The following TFB1M variants were observed in gnomAD, a reference collection of about 807,000 sequenced individuals.
TFB1M encodes the protein dimethyladenosine transferase 1, mitochondrial.
TFB1M carries 27 observed loss-of-function variants against 31.1 expected under a neutral mutation model. That is an observed-to-expected ratio of 0.87 (90% CI 0.64 to 1.20). The LOEUF is 1.20. Among genes scored for constraint, TFB1M ranks in the 50% most tolerant of loss-of-function variants. The pLI, the probability that TFB1M is intolerant of heterozygous loss-of-function variation, is 0.00. For synonymous variants in TFB1M, 166 were observed against 151.8 expected (o/e 1.09, Z -0.69); for missense variants, 394 against 418.7 (o/e 0.94, Z 0.51).
downstream of TFB1M, among the ~76,000 whole-genome samples, chr6:155,252,768 C>T (rs1354052446): frequency 6.6e-6 from 1 of 152,238 alleles, no homozygotes; most frequent in East Asian, 1.9e-4. Context: ...CGCACCTTCC[C>T]TAGCATGTGA....
chr6:155,304,044 GC>G (rs1352246022), intron 2 of TFB1M, among the ~76,000 whole-genome samples: 2 of 152,112 alleles, frequency 1.3e-5, no homozygotes, highest in East Asian at 3.9e-4. Flanking sequence ...AGGTTAGGAG[GC>G]CAAGGCAGGT....
chr6:155,242,066 G>A, the TFB1M span, among the ~76,000 whole-genome samples: 1 of 152,318 alleles, frequency 6.6e-6, no homozygotes, highest in Admixed American at 6.5e-5. Context: ...GGTGTCATGG[G>A]TGAAGTAGAC....
Position 155,314,387 on chromosome 6 carries a change from CGGAG to C in TFB1M, c.38_41del (p.Pro13ArgfsTer12). The C allele has an allele frequency of 6.2e-7, 1 of 1,614,212 alleles. No individual in the cohort carries two copies. Among genetic ancestry groups the C allele is most frequent in the African/African-American group, 1.3e-5 (1 of 75,062 alleles). ...TAATGATTTCTCGAATCGTGGGCAA[CGGAG>C]GGAGACGGCAAGTGCTGAGTTTTCC... On this transcript the variant is annotated frameshift_variant, in exon 1 of 7. Transcript: ENST00000367166. LOFTEE classifies it high-confidence loss of function.
At chr6:155,279,686 T>C (rs1185706374) in intron 5 of TFB1M, among the ~76,000 whole-genome samples, 1 of 152,214 alleles carries the variant, frequency 6.6e-6, no homozygotes, top group African/African-American at 2.4e-5. Context: ...TATCACATTA[T>C]TATCATTATC....
In TFB1M at chr6:155,280,863, T is replaced by C. The variant is rs549625542; in HGVS notation, c.666+4295A>G. Among the ~76,000 whole-genome samples, 3 of 152,324 alleles carry C rather than the reference T, an allele frequency of 2.0e-5. No homozygotes were observed. In the East Asian group the frequency reaches 5.8e-4, roughly 29 times the overall value. ...GTGAACAAGCAGGGTTGGAAGCCTCTAAAACGCTCTTCAAAAGTCAAGAGT... is the reference window on the plus strand; with the variant it reads ...GTGAACAAGCAGGGTTGGAAGCCTCCAAAACGCTCTTCAAAAGTCAAGAGT... On this transcript the variant is annotated intron_variant, in intron 5 of 6. Transcript: ENST00000367166.
downstream of TFB1M, chr6:155,254,920 AAGATCAAGAACCT>A: frequency 1.0e-5 from 2 of 192,546 alleles, no homozygotes; most frequent in South Asian, 1.5e-4. Context: ...ATGCTGAATG[AAGATCAAGAACCT>A]TACACAGAGG....
intron 4 of TFB1M, among the ~76,000 whole-genome samples, chr6:155,295,052 T>C (rs2114771288): frequency 6.6e-6 from 1 of 152,324 alleles, no homozygotes; most frequent in Middle Eastern, 3.4e-3. Context: ...ATACACATTA[T>C]ATAAACCCAG....
chr6:155,283,025 C>G (rs987627566), intron 5 of TFB1M, among the ~76,000 whole-genome samples: 1 of 152,156 alleles, frequency 6.6e-6, no homozygotes, highest in Non-Finnish European at 1.5e-5. Flanking sequence ...CTGTGCCCGG[C>G]CCAAGAAAAT....
the TFB1M span, among the ~76,000 whole-genome samples, chr6:155,242,084 G>A: frequency 2.0e-5 from 3 of 152,194 alleles, no homozygotes; most frequent in Non-Finnish European, 2.9e-5. Context: ...GACAAGGACC[G>A]ACTCTCCCTT....
Position 155,297,059 on chromosome 6 carries a change from G to T in TFB1M, c.440C>A (p.Ser147Ter). ...HIIGNLPFSV[S>*]TPLIIKWLEN... ...AAGCCACTTGATAATCAGTGGAGTT[G>T]AAACACTAAAAGGCAGATTTCCAAT... Residue 147 changes from serine (S) to a stop codon, truncating the protein, a stop_gained, in exon 4 of 7, where the codon TCA becomes TAA. Transcript: ENST00000367166. LOFTEE classifies it high-confidence loss of function. The T allele has an allele frequency of 6.2e-7, 1 of 1,613,902 alleles. No homozygotes were observed. Among genetic ancestry groups the T allele is most frequent in the Admixed American group, 1.7e-5 (1 of 60,030 alleles).
rs571459530 is a variant in TFB1M, at chr6:155,269,510, C to A, written c.667-9110G>T. Among the ~76,000 whole-genome samples the A allele has an allele frequency of 3.4e-3, 517 of 151,888 alleles. 3 individuals are homozygous for A. The highest frequency in any genetic ancestry group is 5.9e-3 in the Non-Finnish European group (404 of 67,914). Reference sequence around the variant, plus strand: ...CTAATTTTTGTATTTTTAGTAGAGGCAAGGTTTCACCATGTTGGCCAGGCT... The same window carrying A: ...CTAATTTTTGTATTTTTAGTAGAGGAAAGGTTTCACCATGTTGGCCAGGCT... On this transcript the variant is annotated intron_variant, in intron 5 of 6. Transcript: ENST00000367166.
chr6:155,254,374 G>T, downstream of TFB1M: 2 of 1,596,550 alleles, frequency 1.3e-6, no homozygotes, highest in South Asian at 2.2e-5. Context: ...GAAGCACGAT[G>T]AACACTGTGG....
the TFB1M span, among the ~76,000 whole-genome samples, chr6:155,246,365 G>A: frequency 6.6e-6 from 1 of 151,902 alleles, no homozygotes; most frequent in Admixed American, 6.6e-5. Context: ...TAAAAAGTGG[G>A]GTCTTAGAGT....
chr6:155,296,426 A>ATTTTTT (rs71023639), intron 4 of TFB1M, among the ~76,000 whole-genome samples: 19 of 103,450 alleles, frequency 1.8e-4, no homozygotes, highest in Admixed American at 4.9e-4. Context: ...CACCCAGCTA[A>ATTTTTT]TTTTTTTTTT....
intron 2 of TFB1M, among the ~76,000 whole-genome samples, chr6:155,305,203 T>TATAA (rs1469268109): frequency 5.0e-5 from 3 of 60,064 alleles, no homozygotes; most frequent in African/African-American, 2.3e-4. Context: ...TATTTATATA[T>TATAA]ATATTAAATT....
the TFB1M span, chr6:155,250,840 C>T: frequency 3.4e-5 from 49 of 1,443,870 alleles, no homozygotes; most frequent in African/African-American, 5.6e-4. Context: ...ACTGTGTGTA[C>T]ATCACTATCT....
chr6:155,294,053 T>C (rs185702418), intron 4 of TFB1M, among the ~76,000 whole-genome samples: 18 of 152,198 alleles, frequency 1.2e-4, no homozygotes, highest in Non-Finnish European at 2.5e-4. Context: ...CCAATGCTTA[T>C]ATGATGTATC....
At chr6:155,279,871 A>G (rs1785413161) in intron 5 of TFB1M, among the ~76,000 whole-genome samples, 1 of 152,158 alleles carries the variant, frequency 6.6e-6, no homozygotes, top group Non-Finnish European at 1.5e-5. Flanking sequence ...AAATACTCTT[A>G]TCTCTATTCA....
At chr6:155,264,617 TC>T (rs1784535965) in intron 5 of TFB1M, among the ~76,000 whole-genome samples, 1 of 152,210 alleles carries the variant, frequency 6.6e-6, no homozygotes, top group East Asian at 1.9e-4. Flanking sequence ...CCTTTTTTCT[TC>T]CTACAGATCT....
Sources: allele counts gnomAD v4.1 joint callset (sites outside exome capture counted in the v4.1 genomes callset), GRCh38; gene constraint gnomAD v4.1.1; transcripts MANE v1.5; gene names NCBI Gene and HGNC (gene_info 2026-07-23, HGNC 2026-07-21).